Variants in SUCLG2 observed in about 807,000 individuals in gnomAD.
The protein encoded by SUCLG2 is succinate--CoA ligase [GDP-forming] subunit beta, mitochondrial.
SUCLG2 carries 42 observed loss-of-function variants against 47.9 expected under a neutral mutation model. The observed-to-expected ratio is 0.88, with a 90% CI of 0.69 to 1.14. The LOEUF (loss-of-function observed/expected upper bound fraction) is 1.14, where lower values mean the gene tolerates loss of function less well. Ranked by LOEUF, SUCLG2 falls within the 50% of genes most tolerant of loss-of-function variation. SUCLG2 has a pLI of 0.00. For synonymous variants in SUCLG2, 195 were observed against 197.3 expected, an observed-to-expected ratio of 0.99 and a Z score of 0.10; for missense variants, 571 against 525.9, an observed-to-expected ratio of 1.09 and a Z score of -0.84.
At position 67,400,495 on chromosome 3, in the gene SUCLG2, T is replaced by C. The variant is rs566603761; in HGVS notation, c.1183+236A>G. 2.6e-5 allele frequency among the ~76,000 whole-genome samples: 4 copies of C among 152,308 alleles called. No individual in the cohort carries two copies. In the South Asian group the frequency reaches 8.3e-4, roughly 32 times the overall value. ...AATGATTCATAAATAAAAGGGCTTT[T>C]GCTCTGGGGTAATTTTTCAAAATCT... On this transcript the variant is annotated intron_variant, in intron 10 of 10. Coordinates refer to ENST00000307227, the MANE Select transcript of SUCLG2 (RefSeq NM_003848.4).
intron 10 of SUCLG2, among the ~76,000 whole-genome samples, chr3:67,378,747 A>T (rs1702088469): frequency 6.6e-6 from 1 of 152,228 alleles, no homozygotes; most frequent in Non-Finnish European, 1.5e-5. Flanking sequence ...AGTAACACAG[A>T]TGTAAAAATG....
At chr3:67,387,365 G>A (rs549677442) in intron 10 of SUCLG2, among the ~76,000 whole-genome samples, 1 of 152,152 alleles carries the variant, frequency 6.6e-6, no homozygotes, top group Non-Finnish European at 1.5e-5. Context: ...CAGATTTTAA[G>A]AGTCAACTCT....
intron 9 of SUCLG2, among the ~76,000 whole-genome samples, chr3:67,476,440 C>A (rs1051737987): frequency 8.5e-5 from 13 of 152,058 alleles, no homozygotes; most frequent in African/African-American, 3.1e-4. Context: ...CATTCTCTCC[C>A]ATCACTACCA....
intron 2 of SUCLG2, among the ~76,000 whole-genome samples, chr3:67,537,316 A>G (rs760665287): frequency 1.3e-5 from 2 of 151,750 alleles, no homozygotes; most frequent in Non-Finnish European, 2.9e-5. Context: ...GAGTACATGC[A>G]CTGTGTGGTT....
chr3:67,526,490 G>A (rs1706258862), intron 4 of SUCLG2, among the ~76,000 whole-genome samples: 1 of 151,960 alleles, frequency 6.6e-6, no homozygotes, highest in Non-Finnish European at 1.5e-5. Context: ...ACCACAATGG[G>A]GATTAAATTT....
intron 9 of SUCLG2, among the ~76,000 whole-genome samples, chr3:67,473,789 A>G (rs1346179251): frequency 6.6e-6 from 1 of 152,244 alleles, no homozygotes; most frequent in African/African-American, 2.4e-5. Context: ...ACTGTGTTTA[A>G]TTAAAACCAC....
intron 10 of SUCLG2, among the ~76,000 whole-genome samples, chr3:67,388,130 A>G (rs1003763034): frequency 9.2e-5 from 14 of 152,328 alleles, no homozygotes; most frequent in African/African-American, 3.4e-4. Flanking sequence ...ATAACTTCAC[A>G]ATGTCCACTG....
At chr3:67,556,394 C>T (rs1407018648) in intron 2 of SUCLG2, among the ~76,000 whole-genome samples, 5 of 152,098 alleles carry the variant, frequency 3.3e-5, no homozygotes, top group African/African-American at 4.8e-5. Context: ...TGCAGTATCA[C>T]GTTTGTAGCT....
At chr3:67,427,174 C>A (rs1703324221) in intron 9 of SUCLG2, among the ~76,000 whole-genome samples, 1 of 152,122 alleles carries the variant, frequency 6.6e-6, no homozygotes, top group Non-Finnish European at 1.5e-5. Context: ...TTTATGTTAT[C>A]ACTCTTCTTT....
chr3:67,504,413 T>C (rs973595652), intron 7 of SUCLG2, among the ~76,000 whole-genome samples: 5 of 152,120 alleles, frequency 3.3e-5, no homozygotes, highest in Non-Finnish European at 7.4e-5. Context: ...AGAAAGGAAT[T>C]TGATGTGCCA....
intron 9 of SUCLG2, among the ~76,000 whole-genome samples, chr3:67,438,814 A>G (rs1703686995): frequency 6.6e-6 from 1 of 152,186 alleles, no homozygotes; most frequent in South Asian, 2.1e-4. Context: ...AGGTACAAAG[A>G]GGAGCTGGTA....
At chr3:67,643,056 G>C (rs6798228) in intron 1 of SUCLG2, among the ~76,000 whole-genome samples, 46,817 of 151,944 alleles carry the variant, frequency 0.31, 7,614 homozygotes, top group Non-Finnish European at 0.36. Context: ...CCTGTGACAC[G>C]GAACTGGAAT....
intron 2 of SUCLG2, among the ~76,000 whole-genome samples, chr3:67,567,130 G>A (rs1296780601): frequency 2.0e-5 from 3 of 151,764 alleles, no homozygotes; most frequent in Admixed American, 6.6e-5. Flanking sequence ...GTTGTAGTGC[G>A]CCAAGATCGC....
intron 2 of SUCLG2, among the ~76,000 whole-genome samples, chr3:67,592,743 A>AAAAAAAAAAAAAC (rs1559587055): frequency 1.3e-5 from 2 of 148,482 alleles, no homozygotes; most frequent in African/African-American, 5.1e-5. Context: ...AAAACAACAA[A>AAAAAAAAAAAAAC]AAAAAACTGA....
At chr3:67,401,351 G>A (rs1236947183) in intron 9 of SUCLG2, among the ~76,000 whole-genome samples, 1 of 151,970 alleles carries the variant, frequency 6.6e-6, no homozygotes, top group Non-Finnish European at 1.5e-5. Flanking sequence ...TCTTTGATAT[G>A]CTAGAGGTAT....
At chr3:67,505,181 G>T in intron 7 of SUCLG2, among the ~76,000 whole-genome samples, 1 of 152,154 alleles carries the variant, frequency 6.6e-6, no homozygotes, top group Admixed American at 6.5e-5. Flanking sequence ...GAGTTATGGA[G>T]CACTGGGAGC....
chr3:67,499,164 T>G (rs569193808), intron 7 of SUCLG2, among the ~76,000 whole-genome samples: 1 of 146,714 alleles, frequency 6.8e-6, no homozygotes, highest in Admixed American at 7.2e-5. Context: ...ATTACTACAC[T>G]GAAGCAAATT....
At chr3:67,389,290 C>T (rs1441301125) in intron 10 of SUCLG2, among the ~76,000 whole-genome samples, 4 of 151,888 alleles carry the variant, frequency 2.6e-5, no homozygotes, top group Non-Finnish European at 2.9e-5. Context: ...CAATAGAGAG[C>T]GTGGGAGAGG....
chr3:67,506,186 A>G (rs1705632865), intron 7 of SUCLG2, among the ~76,000 whole-genome samples: 1 of 152,238 alleles, frequency 6.6e-6, no homozygotes, highest in Non-Finnish European at 1.5e-5. Flanking sequence ...GCTAAAATAT[A>G]AATGACTGCT....
Sources: allele counts gnomAD v4.1 joint callset (sites outside exome capture counted in the v4.1 genomes callset), GRCh38; gene constraint gnomAD v4.1.1; transcripts MANE v1.5; gene names NCBI Gene and HGNC (gene_info 2026-07-23, HGNC 2026-07-21).